Variants in VRK2 observed in about 807,000 individuals in gnomAD.
The protein encoded by VRK2 is serine/threonine-protein kinase VRK2.
A neutral mutation model predicts 57.6 loss-of-function variants in VRK2; 60 were observed. The observed-to-expected ratio is 1.04, with a 90% CI of 0.85 to 1.29. The LOEUF is 1.29. VRK2 is among the 50% of genes most tolerant of loss of function. VRK2 has a pLI of 0.00. For synonymous variants in VRK2, 231 were observed against 199.2 expected (o/e 1.16, Z -1.35); for missense variants, 705 against 588.1 (o/e 1.20, Z -2.06).
intron 9 of VRK2, among the ~76,000 whole-genome samples, chr2:58,132,484 C>G (rs1486785882): frequency 6.6e-6 from 1 of 152,080 alleles, no homozygotes; most frequent in East Asian, 1.9e-4. Flanking sequence ...TTTTTATTAC[C>G]TGGATTCGGC....
At chr2:57,927,862 T>C (rs182148774) in intron 1 of VRK2, among the ~76,000 whole-genome samples, 1 of 152,338 alleles carries the variant, frequency 6.6e-6, no homozygotes, top group Non-Finnish European at 1.5e-5. Flanking sequence ...AAATACATCA[T>C]GCCAGTGTTT....
rs71394403 is a variant in VRK2 at position 57,933,309 on chromosome 2, CTTT to C, written c.-439+25490_-439+25492del. ...TGCTATTTCTTATTTCTTTCTTTTT[CTTT>C]TTTTTTTTTTTTTTTTTTTGAGGCA... On this transcript the variant is annotated intron_variant, in intron 1 of 15. Coordinates refer to the VRK2 transcript ENST00000417641. Among the ~76,000 whole-genome samples, 207 of 63,302 alleles carry C rather than the reference CTTT, an allele frequency of 3.3e-3. 1 individual carries two copies. Among genetic ancestry groups the C allele is most frequent in the African/African-American group, 0.015 (191 of 13,080 alleles). The allele number at this position is 63,302 out of a possible 152,430, so 41.5% of individuals were successfully genotyped here.
chr2:58,078,120 ACT>A (rs1156831870), intron 2 of VRK2, among the ~76,000 whole-genome samples: 2 of 151,976 alleles, frequency 1.3e-5, no homozygotes, highest in African/African-American at 2.4e-5. Flanking sequence ...CAGTACTGAA[ACT>A]CTATATTCAT....
At chr2:58,124,100 A>G (rs150618274) in intron 8 of VRK2, among the ~76,000 whole-genome samples, 2 of 152,326 alleles carry the variant, frequency 1.3e-5, no homozygotes, top group East Asian at 3.9e-4. Context: ...TATTGATTGT[A>G]CTGCCTTGCA....
chr2:57,956,872 T>C (rs1184401877), intron 1 of VRK2, among the ~76,000 whole-genome samples: 1 of 152,212 alleles, frequency 6.6e-6, no homozygotes, highest in African/African-American at 2.4e-5. Context: ...TTAAATATCA[T>C]GGACATTGAT....
chr2:58,048,679 G>T, intron 1 of VRK2, 148 bp from the exon 2 acceptor site: 1 of 1,502,050 alleles, frequency 6.7e-7, no homozygotes, highest in Non-Finnish European at 9.0e-7. Flanking sequence ...ATAATGTGTG[G>T]GCTTTTCCAA....
chr2:57,973,155 C>T (rs1672146797), intron 1 of VRK2, among the ~76,000 whole-genome samples: 1 of 151,848 alleles, frequency 6.6e-6, no homozygotes, highest in Non-Finnish European at 1.5e-5. Flanking sequence ...ATAAGAGTGC[C>T]TATTTCCTCA....
intron 1 of VRK2, among the ~76,000 whole-genome samples, chr2:57,929,909 C>G (rs776640083): frequency 2.0e-4 from 31 of 152,100 alleles, no homozygotes; most frequent in Non-Finnish European, 3.7e-4. Flanking sequence ...GTGCCCTATC[C>G]TACTGCAGCT....
chr2:58,086,406 G>C lies in VRK2; in HGVS notation c.324G>C (p.Leu108=), dbSNP rs1487573481. The C allele has an allele frequency of 6.3e-7, 1 of 1,597,946 alleles. No homozygotes were observed. Among genetic ancestry groups the C allele is most frequent in the Non-Finnish European group, 8.5e-7 (1 of 1,175,026 alleles). ...LGIPLFYGSG[L]TEFKGRSYRF... ...TTCCTCTGTTTTATGGATCTGGTCT[G>C]ACTGAATTCAAGGGAAGAAGGTAAA... Residue 108 remains leucine (L), a synonymous_variant, in exon 5 of 13, where the codon CTG becomes CTC. Transcript: ENST00000340157.
chr2:57,931,996 G>C (rs1670743995), intron 1 of VRK2, among the ~76,000 whole-genome samples: 1 of 151,994 alleles, frequency 6.6e-6, no homozygotes, highest in South Asian at 2.1e-4. Flanking sequence ...TTTTATGGCA[G>C]TACCATGCTG....
intron 1 of VRK2, 31 bp from the exon 2 acceptor site, chr2:58,048,796 T>C (rs769178711): frequency 7.5e-6 from 12 of 1,601,596 alleles, no homozygotes; most frequent in Non-Finnish European, 1.0e-5. Flanking sequence ...TTTTTCTTTT[T>C]ACCCATTTAT....
chr2:57,918,618 T>C (rs986640470), intron 1 of VRK2, among the ~76,000 whole-genome samples: 2 of 152,098 alleles, frequency 1.3e-5, no homozygotes, highest in Admixed American at 6.6e-5. Flanking sequence ...AGTCTGGGAC[T>C]GATTGTGAAA....
intron 2 of VRK2, among the ~76,000 whole-genome samples, chr2:58,071,200 G>C (rs1490262855): frequency 6.6e-6 from 1 of 151,776 alleles, no homozygotes; most frequent in Non-Finnish European, 1.5e-5. Context: ...GTATATTTTT[G>C]ATATGTCTTG....
chr2:57,980,800 T>A (rs1235120906), intron 1 of VRK2, among the ~76,000 whole-genome samples: 1 of 152,198 alleles, frequency 6.6e-6, no homozygotes, highest in Non-Finnish European at 1.5e-5. Flanking sequence ...TCTTTGTCCT[T>A]TTTGATCATT....
At position 58,055,153 on chromosome 2, in the gene VRK2, C is replaced by T. The variant is rs543141280; in HGVS notation, c.136+6186C>T. ...CTGGCAGAAGAAGTGACTTTTGCTG[C>T]GTTCTGCATGCTGCCCCTCCAAACC... On this transcript the variant is annotated intron_variant, in intron 2 of 12. Coordinates refer to ENST00000340157, the MANE Select transcript of VRK2 (RefSeq NM_006296.7). Among the ~76,000 whole-genome samples the T allele has an allele frequency of 5.3e-5, 8 of 152,292 alleles. No homozygotes were observed. The South Asian group carries it at 6.2e-4, about 12-fold the overall frequency.
intron 2 of VRK2, among the ~76,000 whole-genome samples, chr2:58,030,595 CA>C (rs1181307820): frequency 6.6e-6 from 1 of 151,968 alleles, no homozygotes; most frequent in African/African-American, 2.4e-5. Context: ...GTAGAAATAT[CA>C]AGCAGGAAAG....
chr2:57,911,559 T>C (rs1669986640), intron 1 of VRK2, among the ~76,000 whole-genome samples: 1 of 152,206 alleles, frequency 6.6e-6, no homozygotes, highest in South Asian at 2.1e-4. Context: ...CACCTTTGTT[T>C]TTCTCTCTTA....
At chr2:57,910,632 G>A (rs879350627) in intron 1 of VRK2, among the ~76,000 whole-genome samples, 1 of 152,040 alleles carries the variant, frequency 6.6e-6, no homozygotes, top group African/African-American at 2.4e-5. Context: ...CAACCTTATA[G>A]GACTGAGGGA....
intron 7 of VRK2, among the ~76,000 whole-genome samples, chr2:58,110,774 A>G (rs1314940217): frequency 6.6e-6 from 1 of 152,208 alleles, no homozygotes; most frequent in Non-Finnish European, 1.5e-5. Context: ...AACCAGAGGC[A>G]GAATTGAGGA....
Sources: allele counts gnomAD v4.1 joint callset (sites outside exome capture counted in the v4.1 genomes callset), GRCh38; gene constraint gnomAD v4.1.1; transcripts MANE v1.5; gene names NCBI Gene and HGNC (gene_info 2026-07-23, HGNC 2026-07-21).